The following DHX8 variants were observed in gnomAD, a reference collection of about 807,000 sequenced individuals.
DHX8 encodes the protein ATP-dependent RNA helicase DHX8.
In DHX8, 67 loss-of-function variants were observed where a neutral mutation model predicts 140.7. The observed-to-expected ratio is 0.48, with a 90% CI of 0.39 to 0.58. DHX8 has a LOEUF of 0.58. DHX8 is among the 20% of genes least tolerant of loss of function. The pLI is 0.00. For missense variants in DHX8, 887 were observed against 1,550.7 expected (o/e 0.57, Z 7.19); for synonymous variants, 533 against 553.2 (o/e 0.96, Z 0.51).
chr17:43,504,670 A>T lies in DHX8; in HGVS notation c.1573A>T (p.Met525Leu). 2 of 1,612,810 alleles carry T rather than the reference A, an allele frequency of 1.2e-6. No homozygotes were observed. ...GGAAGGCAGACAGATTGCTGCCAAC[A>T]TGAGGGGTATTGGGATGATGCCCAA... ...DAEGRQIAAN[M>L]RGIGMMPNDI... Residue 525 changes from methionine (M) to leucine (L), a missense_variant, in exon 12 of 23, where the codon ATG (methionine) becomes TTG (leucine). By Grantham distance (15) the Met-to-Leu change is conservative. Coordinates refer to ENST00000262415, the MANE Select transcript of DHX8 (RefSeq NM_004941.3).
chr17:43,488,575 C>T (rs1413543993), intron 1 of DHX8, among the ~76,000 whole-genome samples: 1 of 151,296 alleles, frequency 6.6e-6, no homozygotes, highest in African/African-American at 2.4e-5. Context: ...CGCACCGCTG[C>T]ACTCCAGCCT....
chr17:43,511,882 C>T (rs932817737), intron 16 of DHX8, among the ~76,000 whole-genome samples: 5 of 148,244 alleles, frequency 3.4e-5, no homozygotes, highest in Non-Finnish European at 5.9e-5. Context: ...ATCAGCCAGG[C>T]GTGGTGGCAC....
chr17:43,544,201 G>A (rs1971676723), exon 4 of DHX8: 1 of 152,476 alleles, frequency 6.6e-6, no homozygotes, highest in Non-Finnish European at 1.5e-5. Flanking sequence ...AAAACGCACT[G>A]AAGAATCCAA....
At chr17:43,530,441 T>C, downstream of DHX8, 1 of 1,378,822 alleles carries the variant, frequency 7.3e-7, no homozygotes, top group Non-Finnish European at 9.4e-7. Context: ...CAAGCTGTTC[T>C]GAAGGGCCCA....
At chr17:43,518,069 T>G (rs529243862) in intron 18 of DHX8, 25 of 152,318 alleles carry the variant, frequency 1.6e-4, no homozygotes, top group African/African-American at 5.8e-4. Context: ...TTGGGCAAGT[T>G]TATTTACTTT....
In DHX8 at chr17:43,525,474, G is replaced by A; in HGVS notation, c.*1627G>A. On this transcript the variant is annotated 3_prime_UTR_variant, in exon 23 of 23. Transcript: ENST00000262415. ...CCCTTCATTAAGCTGAGTGCCTCCTGATTCTGTCTGAGTATTCGCCTTTGT... is the reference window on the plus strand; with the variant it reads ...CCCTTCATTAAGCTGAGTGCCTCCTAATTCTGTCTGAGTATTCGCCTTTGT... 2.0e-6 allele frequency: 2 copies of A among 985,416 alleles called. No individual in the cohort carries two copies. Among genetic ancestry groups the A allele is most frequent in the Non-Finnish European group, 2.4e-6 (2 of 829,946 alleles). 61.0% of individuals were successfully genotyped at this position (985,416 alleles called of 1,614,324 possible).
chr17:43,529,674 C>T (rs752842316), downstream of DHX8: 13 of 1,606,078 alleles, frequency 8.1e-6, 1 homozygote, highest in South Asian at 1.4e-4. Flanking sequence ...TGCTTGATGT[C>T]TCCTGGGGAA....
At chr17:43,511,903 C>G (rs1969863072) in intron 16 of DHX8, among the ~76,000 whole-genome samples, 1 of 150,530 alleles carries the variant, frequency 6.6e-6, no homozygotes, top group Non-Finnish European at 1.5e-5. Context: ...ATGCATAGTC[C>G]CAGCTACTCA....
Sources: gnomAD v4.1 joint callset for allele counts (sites outside exome capture counted in the v4.1 genomes callset) on GRCh38, gnomAD v4.1.1 for gene constraint, MANE v1.5 for transcripts, NCBI Gene and HGNC (gene_info 2026-07-23, HGNC 2026-07-21) for gene names.